The following ROBO1 variants were observed in gnomAD, a reference collection of about 807,000 sequenced individuals.
The protein encoded by ROBO1 is roundabout guidance receptor 1.
Under a neutral mutation model 195.9 loss-of-function variants are expected in ROBO1, and 149 were observed. The ratio of observed to expected loss-of-function variants is 0.76; its 90% CI spans 0.67 to 0.87. ROBO1 has a LOEUF of 0.87. ROBO1 is among the 40% of genes least tolerant of loss of function. The pLI, the probability that ROBO1 is intolerant of heterozygous loss-of-function variation, is 0.00. For synonymous variants in ROBO1, 816 were observed against 733.2 expected, an observed-to-expected ratio of 1.11 and a Z score of -1.82; for missense variants, 1,933 against 2,068.3, an observed-to-expected ratio of 0.93 and a Z score of 1.27.
At chr3:78,657,592 AC>A (rs1450791307) in intron 17 of ROBO1, among the ~76,000 whole-genome samples, 1 of 152,240 alleles carries the variant, frequency 6.6e-6, no homozygotes, top group African/African-American at 2.4e-5. Context: ...TAACACCAAC[AC>A]ATTATCTGCC....
intron 4 of ROBO1, among the ~76,000 whole-genome samples, chr3:78,897,457 T>C (rs543276198): frequency 5.4e-4 from 83 of 152,294 alleles, no homozygotes; most frequent in South Asian, 2.5e-3. Context: ...AGTTAGCATC[T>C]TTGTCATTCG....
At chr3:78,759,801 T>A (rs931638083) in intron 4 of ROBO1, among the ~76,000 whole-genome samples, 1 of 152,056 alleles carries the variant, frequency 6.6e-6, no homozygotes, top group African/African-American at 2.4e-5. Flanking sequence ...AAATGCACCA[T>A]AGAAAGATCG....
intron 2 of ROBO1, among the ~76,000 whole-genome samples, chr3:79,568,507 A>G (rs1943164631): frequency 4.7e-5 from 7 of 148,586 alleles, no homozygotes; most frequent in Admixed American, 3.4e-4. Flanking sequence ...AGATTGATTG[A>G]ATTTTTTTCT....
intron 4 of ROBO1, among the ~76,000 whole-genome samples, chr3:78,859,617 G>C (rs1241082793): frequency 1.3e-5 from 2 of 151,934 alleles, no homozygotes; most frequent in African/African-American, 4.8e-5. Flanking sequence ...GGTGTCACTG[G>C]GTGTTTAAAT....
At chr3:79,042,911 G>C (rs930346579) in intron 3 of ROBO1, among the ~76,000 whole-genome samples, 2 of 151,904 alleles carry the variant, frequency 1.3e-5, no homozygotes, top group Non-Finnish European at 2.9e-5. Flanking sequence ...CCCCTCACTG[G>C]TTTTTCCCAA....
At chr3:78,988,428 A>G (rs1230124516) in intron 3 of ROBO1, among the ~76,000 whole-genome samples, 1 of 152,262 alleles carries the variant, frequency 6.6e-6, no homozygotes. Flanking sequence ...CTTACACAAC[A>G]TAATTCTCAA....
intron 3 of ROBO1, among the ~76,000 whole-genome samples, chr3:79,113,956 G>A (rs2079942217): frequency 6.6e-6 from 1 of 152,100 alleles, no homozygotes; most frequent in Non-Finnish European, 1.5e-5. Context: ...ATGTGTCAAG[G>A]GCTGGGCCAG....
chr3:79,568,246 A>G (rs949558733), intron 2 of ROBO1, among the ~76,000 whole-genome samples: 2 of 152,182 alleles, frequency 1.3e-5, no homozygotes, highest in African/African-American at 4.8e-5. Context: ...ATGATTTTGT[A>G]GGGAAAATTG....
intron 10 of ROBO1, among the ~76,000 whole-genome samples, chr3:78,681,185 G>T (rs1205484407): frequency 6.6e-6 from 1 of 151,928 alleles, no homozygotes; most frequent in African/African-American, 2.4e-5. Context: ...GACTGTTGTG[G>T]GGTGGGGGGA....
intron 2 of ROBO1, among the ~76,000 whole-genome samples, chr3:79,482,956 C>T (rs1938945540): frequency 6.6e-6 from 1 of 152,130 alleles, no homozygotes; most frequent in Admixed American, 6.5e-5. Flanking sequence ...TGGAGATCTG[C>T]AACATGGCCG....
chr3:79,513,520 A>C lies in ROBO1; in HGVS notation c.88+76304T>G, dbSNP rs76454740. On this transcript the variant is annotated intron_variant, in intron 2 of 30. Transcript: ENST00000464233. ...TCTTCTCATGAAAGTTCCCTCTTTC[A>C]CCTCCCCCTACACCCTAGTAAATTC... Among the ~76,000 whole-genome samples, 24 of 152,090 alleles carry C rather than the reference A, an allele frequency of 1.6e-4. No individual in the cohort carries two copies. In the East Asian group the frequency reaches 4.5e-3, roughly 28 times the overall value.
intron 1 of ROBO1, among the ~76,000 whole-genome samples, chr3:79,742,013 C>T (rs1703667871): frequency 6.6e-6 from 1 of 152,152 alleles, no homozygotes; most frequent in African/African-American, 2.4e-5. Flanking sequence ...CTGCTTCTAA[C>T]AGCATATGGT....
In ROBO1 at chr3:78,657,267, A is replaced by C; in HGVS notation, c.2445T>G (p.Val815=). ...TQNGMVQEYK[V]WCLGNETRYH... The stretch of plus-strand genomic sequence containing the variant: ...ATCGAGTTTCATTGCCCAGACACCA[A>C]ACCTGTAAGAAGCACATCACAAAAA... The change falls in exon 18 of 31, where the codon GTT becomes GTG. Residue 815 remains valine, a splice_region_variant and synonymous_variant. Coordinates refer to ENST00000464233, the MANE Select transcript of ROBO1 (RefSeq NM_002941.4). 1 of 1,613,414 alleles carries C rather than the reference A, an allele frequency of 6.2e-7. No individual in the cohort carries two copies. The highest frequency in any genetic ancestry group is 8.5e-7 in the Non-Finnish European group (1 of 1,179,626).
intron 1 of ROBO1, among the ~76,000 whole-genome samples, chr3:79,661,306 AGG>A (rs1374832868): frequency 6.6e-6 from 1 of 152,054 alleles, no homozygotes; most frequent in African/African-American, 2.4e-5. Flanking sequence ...TCATTTCCCC[AGG>A]TGTTCAAAAA....
chr3:79,544,553 A>T (rs1403479970), intron 2 of ROBO1, among the ~76,000 whole-genome samples: 6 of 152,004 alleles, frequency 3.9e-5, no homozygotes, highest in East Asian at 1.9e-4. Flanking sequence ...AGTGGCGGGC[A>T]TATTCACAAA....
At chr3:79,666,270 G>A (rs1352069658) in intron 1 of ROBO1, among the ~76,000 whole-genome samples, 5 of 151,916 alleles carry the variant, frequency 3.3e-5, no homozygotes, top group East Asian at 1.9e-4. Context: ...TCAGCCTAGT[G>A]AACTTAGAGC....
chr3:79,339,665 G>A (rs2034827562), intron 2 of ROBO1, among the ~76,000 whole-genome samples: 1 of 152,004 alleles, frequency 6.6e-6, no homozygotes, highest in South Asian at 2.1e-4. Flanking sequence ...TACTATATAA[G>A]GTGATTTTTT....
intron 2 of ROBO1, among the ~76,000 whole-genome samples, chr3:79,207,359 T>A (rs895730212): frequency 2.0e-5 from 3 of 152,174 alleles, no homozygotes; most frequent in African/African-American, 7.2e-5. Flanking sequence ...CCAGCTAACC[T>A]ATAAATTCTT....
chr3:78,616,222 G>A (rs1241410314), intron 27 of ROBO1, among the ~76,000 whole-genome samples: 2 of 152,096 alleles, frequency 1.3e-5, no homozygotes, highest in Non-Finnish European at 1.5e-5. Context: ...TCTCAAAGCA[G>A]TGGTTTGAGA....
Sources: allele counts gnomAD v4.1 joint callset (sites outside exome capture counted in the v4.1 genomes callset), GRCh38; gene constraint gnomAD v4.1.1; transcripts MANE v1.5; gene names NCBI Gene and HGNC (gene_info 2026-07-23, HGNC 2026-07-21).